Variants in ATG7 observed in about 807,000 individuals in gnomAD.
ATG7 encodes the protein autophagy related 7.
ATG7 carries 70 observed loss-of-function variants against 82.4 expected under a neutral mutation model. The ratio of observed to expected loss-of-function variants is 0.85; its 90% CI spans 0.70 to 1.04. The LOEUF is 1.04. Ranked by LOEUF, ATG7 falls within the 50% of genes least tolerant of loss-of-function variation. The pLI, the probability that ATG7 is intolerant of heterozygous loss-of-function variation, is 0.00. For missense variants in ATG7, 792 were observed against 864.3 expected (o/e 0.92, Z 1.05); for synonymous variants, 287 against 313.0 (o/e 0.92, Z 0.88).
At chr3:11,371,276 G>A (rs1414661093) in intron 18 of ATG7, among the ~76,000 whole-genome samples, 5 of 151,118 alleles carry the variant, frequency 3.3e-5, no homozygotes, top group South Asian at 2.1e-4. Flanking sequence ...GCAGGGGGAC[G>A]TAGAACAGGC....
intron 12 of ATG7, among the ~76,000 whole-genome samples, chr3:11,341,442 CTT>C (rs1169282258): frequency 6.9e-6 from 1 of 144,234 alleles, no homozygotes; most frequent in Non-Finnish European, 1.5e-5. Flanking sequence ...TCAGTGCACT[CTT>C]TTTTTTTTTT....
chr3:11,542,571 TG>T (rs2070921780), intron 20 of ATG7, among the ~76,000 whole-genome samples: 1 of 152,232 alleles, frequency 6.6e-6, no homozygotes, highest in Admixed American at 6.5e-5. Context: ...ACCTCTCACC[TG>T]GGTCCCTGGA....
intron 19 of ATG7, among the ~76,000 whole-genome samples, chr3:11,423,406 A>G (rs2082101122): frequency 6.6e-6 from 1 of 152,236 alleles, no homozygotes; most frequent in East Asian, 1.9e-4. Flanking sequence ...ACACGAAGTG[A>G]GCACATGGTG....
At chr3:11,566,514 C>T in the ATG7 span, among the ~76,000 whole-genome samples, 7 of 152,272 alleles carry the variant, frequency 4.6e-5, no homozygotes, top group South Asian at 1.0e-3. Flanking sequence ...CAGCTCAGCA[C>T]GGGCCTTGGT....
intron 20 of ATG7, among the ~76,000 whole-genome samples, chr3:11,543,796 G>C (rs1210205032): frequency 6.6e-6 from 1 of 152,224 alleles, no homozygotes; most frequent in Non-Finnish European, 1.5e-5. Context: ...CGGCTACTCA[G>C]GAGGCTGAGG....
intron 20 of ATG7, among the ~76,000 whole-genome samples, chr3:11,494,800 AT>A: frequency 6.6e-6 from 1 of 152,302 alleles, no homozygotes; most frequent in Non-Finnish European, 1.5e-5. Context: ...CAGGCCAGGC[AT>A]GGTGGCTCAC....
At chr3:11,493,087 A>G (rs957061258) in intron 20 of ATG7, among the ~76,000 whole-genome samples, 1 of 152,242 alleles carries the variant, frequency 6.6e-6, no homozygotes, top group Admixed American at 6.5e-5. Flanking sequence ...GTCCAATGCC[A>G]AAAAAGAATG....
At chr3:11,416,727 CTCTTT>C (rs914743368) in intron 19 of ATG7, among the ~76,000 whole-genome samples, 33 of 151,996 alleles carry the variant, frequency 2.2e-4, no homozygotes, top group Non-Finnish European at 3.5e-4. Flanking sequence ...AGTTTTTATT[CTCTTT>C]TCTTCTGCTT....
At chr3:11,431,255 G>C (rs2082854903) in intron 20 of ATG7, among the ~76,000 whole-genome samples, 1 of 152,192 alleles carries the variant, frequency 6.6e-6, no homozygotes, top group African/African-American at 2.4e-5. Flanking sequence ...TACAAAATTA[G>C]CTGGGTGTGG....
At chr3:11,327,445 G>A (rs1951036845) in intron 9 of ATG7, among the ~76,000 whole-genome samples, 1 of 152,180 alleles carries the variant, frequency 6.6e-6, no homozygotes, top group African/African-American at 2.4e-5. Flanking sequence ...GGACATGCAG[G>A]TATTGGTGGT....
intron 18 of ATG7, among the ~76,000 whole-genome samples, chr3:11,373,759 T>G (rs1456014421): frequency 6.6e-6 from 1 of 152,184 alleles, no homozygotes; most frequent in African/African-American, 2.4e-5. Context: ...GATTTTAGAT[T>G]GCTCTGGGGT....
chr3:11,333,727 T>C (rs1488381068), intron 11 of ATG7, among the ~76,000 whole-genome samples: 1 of 151,580 alleles, frequency 6.6e-6, no homozygotes, highest in Admixed American at 6.6e-5. Flanking sequence ...AAGGATATAA[T>C]GCCCAGCTCC....
chr3:11,382,788 T>C (rs2078011100), intron 19 of ATG7, among the ~76,000 whole-genome samples: 1 of 152,226 alleles, frequency 6.6e-6, no homozygotes, highest in Admixed American at 6.5e-5. Flanking sequence ...TATTTTTGGG[T>C]AACTTTCTAT....
chr3:11,329,552 A>G (rs1951347776), intron 9 of ATG7, among the ~76,000 whole-genome samples: 1 of 152,216 alleles, frequency 6.6e-6, no homozygotes, highest in Admixed American at 6.5e-5. Flanking sequence ...TCATACAAAA[A>G]ACATTCACCG....
intron 19 of ATG7, among the ~76,000 whole-genome samples, chr3:11,389,792 C>T (rs190985887): frequency 6.6e-6 from 1 of 152,290 alleles, no homozygotes; most frequent in African/African-American, 2.4e-5. Context: ...ACTCACCTGT[C>T]GTCATAAGTC....
chr3:11,330,859 GA>G (rs1351772286), intron 9 of ATG7, among the ~76,000 whole-genome samples: 4 of 152,102 alleles, frequency 2.6e-5, no homozygotes, highest in Non-Finnish European at 5.9e-5. Context: ...GGGGAGGGAG[GA>G]AATATATGTT....
At chr3:11,395,585 C>A (rs1010044537) in intron 19 of ATG7, among the ~76,000 whole-genome samples, 7 of 152,176 alleles carry the variant, frequency 4.6e-5, no homozygotes, top group African/African-American at 1.4e-4. Flanking sequence ...GAAATAACTT[C>A]TTTAGTGTGC....
rs768304604 is a variant in ATG7 at position 11,426,888 on chromosome 3, G to C, written c.2041G>C (p.Gly681Arg). ...SSHSFLEDLT[G>R]LTLLHQETQA... ...ACATTCCTTCTTAGAAGACTTGACT[G>C]GTCTTACATTGCTGCATCAAGAAAC... The change falls in exon 20 of 21, where the codon GGT becomes CGT. Residue 681 changes from glycine (G) to arginine (R), a missense_variant. By Grantham distance (125) the Gly-to-Arg change is moderately radical (BLOSUM62 -2). Coordinates refer to ENST00000693202, the MANE Select transcript of ATG7 (RefSeq NM_001349232.2). 1.2e-6 allele frequency: 2 copies of C among 1,609,416 alleles called. No homozygotes were observed. Among genetic ancestry groups the C allele is most frequent in the Non-Finnish European group, 1.7e-6 (2 of 1,178,286 alleles).
At chr3:11,353,676 G>C (rs577885862) in intron 14 of ATG7, among the ~76,000 whole-genome samples, 1 of 152,114 alleles carries the variant, frequency 6.6e-6, no homozygotes, top group Non-Finnish European at 1.5e-5. Context: ...GCGAGAGCTA[G>C]TTGTTTGAAA....
Sources: allele counts gnomAD v4.1 joint callset (sites outside exome capture counted in the v4.1 genomes callset), GRCh38; gene constraint gnomAD v4.1.1; transcripts MANE v1.5; gene names NCBI Gene and HGNC (gene_info 2026-07-23, HGNC 2026-07-21).